Variants in MTCH2 observed in about 807,000 individuals in gnomAD.
MTCH2 encodes mitochondrial carrier homolog 2.
A neutral mutation model predicts 50.6 loss-of-function variants in MTCH2; 25 were observed. The observed-to-expected ratio is 0.49, with a 90% CI of 0.36 to 0.69. The LOEUF is 0.69. MTCH2 is among the 30% of genes least tolerant of loss of function. The probability of loss-of-function intolerance (pLI) is 0.00; values close to 1 mark genes in which losing one functional copy is unlikely to be tolerated. For missense variants in MTCH2, 273 were observed against 384.4 expected, an observed-to-expected ratio of 0.71 and a Z score of 2.42; for synonymous variants, 106 against 132.0, an observed-to-expected ratio of 0.80 and a Z score of 1.35.
At chr11:47,627,159 CCTACAACA>C (rs2097298948) in intron 9 of MTCH2, 32 bp from the exon 10 acceptor site, 2 of 1,430,294 alleles carry the variant, frequency 1.4e-6, no homozygotes, top group Non-Finnish European at 1.9e-6. Context: ...AAATTAATTA[CCTACAACA>C]CTACAACACA....
At chr11:47,631,594 CTAAG>C in intron 6 of MTCH2, 56 bp downstream of exon 6, 1 of 1,549,038 alleles carries the variant, frequency 6.5e-7, no homozygotes, top group Admixed American at 1.7e-5. Flanking sequence ...GTCAACCTAT[CTAAG>C]TGGTCAGGAG....
chr11:47,610,295 G>A, the MTCH2 span, among the ~76,000 whole-genome samples: 3 of 152,294 alleles, frequency 2.0e-5, no homozygotes, highest in South Asian at 2.1e-4. Flanking sequence ...TACTAACGCC[G>A]TAACTTTGCC....
downstream of MTCH2, among the ~76,000 whole-genome samples, chr11:47,617,002 CA>C (rs201698769): frequency 6.5e-4 from 99 of 152,288 alleles, 5 homozygotes; most frequent in East Asian, 0.018. Context: ...TTCTTAATGG[CA>C]CCTACCTGCA....
At chr11:47,641,340 G>C (rs2097314014) in intron 1 of MTCH2, among the ~76,000 whole-genome samples, 2 of 152,174 alleles carry the variant, frequency 1.3e-5, no homozygotes, top group Admixed American at 6.6e-5. Flanking sequence ...TTTAACATAT[G>C]GAATCTGAAT....
At chr11:47,642,298 G>C (rs908388298) in intron 1 of MTCH2, 81 bp downstream of exon 1, 2 of 1,256,258 alleles carry the variant, frequency 1.6e-6, no homozygotes, top group Non-Finnish European at 2.2e-6. Context: ...GGCCCGCAAG[G>C]CTGAGCCGAT....
the MTCH2 span, among the ~76,000 whole-genome samples, chr11:47,606,708 C>T: frequency 6.6e-6 from 1 of 152,328 alleles, no homozygotes; most frequent in African/African-American, 2.4e-5. Flanking sequence ...TGCCCACATG[C>T]CCTTCCTTCC....
Position 47,642,294 on chromosome 11 carries a change from C to T in MTCH2, c.87+85G>A, listed in dbSNP as rs982546581. The T allele has an allele frequency of 2.5e-6, 3 of 1,205,108 alleles. No homozygotes were observed. In the African/African-American group the frequency reaches 4.9e-5, roughly 20 times the overall value. 74.7% of individuals were successfully genotyped at this position (1,205,108 alleles called of 1,614,324 possible). ...GCATCTCGGGAGAATGAAAGGCCCG[C>T]AAGGCTGAGCCGATCCTCAGGCGCC... On this transcript the variant is annotated intron_variant, in intron 1 of 12. Coordinates refer to ENST00000302503, the MANE Select transcript of MTCH2 (RefSeq NM_014342.4).
chr11:47,629,060 C>G lies in MTCH2; in HGVS notation c.540-14G>C. On this transcript the variant is annotated splice_polypyrimidine_tract_variant and intron_variant, in intron 8 of 12. Transcript: ENST00000302503. Reference sequence around the variant, plus strand: ...GGAACAAGACCCCTACATGAAGAAACAATAAAAATAAGAACCAAAAAATGT... The same window carrying G: ...GGAACAAGACCCCTACATGAAGAAAGAATAAAAATAAGAACCAAAAAATGT... 6.2e-7 allele frequency: 1 copy of G among 1,605,536 alleles called. No homozygotes were observed. The highest frequency in any genetic ancestry group is 8.5e-7 in the Non-Finnish European group (1 of 1,174,710).
the MTCH2 span, among the ~76,000 whole-genome samples, chr11:47,608,068 T>C: frequency 6.6e-6 from 1 of 152,192 alleles, no homozygotes; most frequent in Non-Finnish European, 1.5e-5. Flanking sequence ...GGCTTTGCTA[T>C]TTACCACCAG....
chr11:47,627,060 A>C lies in MTCH2; in HGVS notation c.681+20T>G, dbSNP rs1386143638. ...AACACAACTATTCCTAGAAGGTTAA[A>C]AGGATTTTAAAAAACTCACTCCTGT... is the stretch of plus-strand genomic sequence containing the variant. On this transcript the variant is annotated intron_variant, in intron 10 of 12. Transcript: ENST00000302503. 1 of 1,560,628 alleles carries C rather than the reference A, an allele frequency of 6.4e-7. No individual in the cohort carries two copies.
the MTCH2 span, among the ~76,000 whole-genome samples, chr11:47,608,841 C>A: frequency 1.3e-5 from 2 of 151,490 alleles, no homozygotes; most frequent in South Asian, 4.2e-4. Context: ...ACCTGTAGTC[C>A]CAGCTACTTG....
At position 47,625,443 on chromosome 11, in the gene MTCH2, T is replaced by A. The variant is rs1445288639; in HGVS notation, c.749+231A>T. 2.0e-5 allele frequency among the ~76,000 whole-genome samples: 3 copies of A among 148,710 alleles called. No homozygotes were observed. In the East Asian group the frequency reaches 5.9e-4, roughly 29 times the overall value. On this transcript the variant is annotated intron_variant, in intron 11 of 12. Transcript: ENST00000302503. The stretch of plus-strand genomic sequence containing the variant: ...ATCTCAAAAAAAAAAAAAATAATAA[T>A]AATAATTAATAAATAAATACAAATT...
At chr11:47,620,335 G>T (rs118061507) in intron 12 of MTCH2, among the ~76,000 whole-genome samples, 3 of 151,962 alleles carry the variant, frequency 2.0e-5, no homozygotes, top group African/African-American at 7.3e-5. Context: ...TGGGCTTAGC[G>T]GTATGTGCCT....
At chr11:47,632,504 C>T (rs2097304003) in intron 5 of MTCH2, among the ~76,000 whole-genome samples, 1 of 151,890 alleles carries the variant, frequency 6.6e-6, no homozygotes, top group Admixed American at 6.6e-5. Flanking sequence ...CAGGCACCCG[C>T]CATCATGCCC....
In MTCH2 at chr11:47,637,148, C is replaced by G. The variant is rs2153800801; in HGVS notation, c.279+1551G>C. Among the ~76,000 whole-genome samples, 2 of 152,156 alleles carry G rather than the reference C, an allele frequency of 1.3e-5. 1 individual carries two copies. The highest frequency in any genetic ancestry group is 4.2e-4 in the South Asian group (2 of 4,816). Reference sequence around the variant, plus strand: ...GGGATTACATGCGCCCACCACCACGCCTGGCTAACATCTGTATTTTTAGTA... The same window carrying G: ...GGGATTACATGCGCCCACCACCACGGCTGGCTAACATCTGTATTTTTAGTA... On this transcript the variant is annotated intron_variant, in intron 3 of 12. Transcript: ENST00000302503.
Position 47,631,750 on chromosome 11 carries a change from AT to A in MTCH2, c.370-40del, listed in dbSNP as rs530285224. ...ACACACACTTCTGAAATCTAAACAAATGACACTCAAATGCCTGTGAGAAGGA... is the reference window on the plus strand; with the variant it reads ...ACACACACTTCTGAAATCTAAACAAAGACACTCAAATGCCTGTGAGAAGGA... On this transcript the variant is annotated intron_variant, in intron 5 of 12. Coordinates refer to ENST00000302503, the MANE Select transcript of MTCH2 (RefSeq NM_014342.4). The A allele has an allele frequency of 2.0e-4, 314 of 1,606,784 alleles. No individual in the cohort carries two copies. The African/African-American group carries it at 3.9e-3, about 20-fold the overall frequency.
At chr11:47,642,055 C>G (rs2097314683) in intron 1 of MTCH2, among the ~76,000 whole-genome samples, 1 of 152,174 alleles carries the variant, frequency 6.6e-6, no homozygotes, top group Non-Finnish European at 1.5e-5. Flanking sequence ...GTTCGGAAGC[C>G]TTTGGTGGCG....
chr11:47,625,806 C>A, intron 10 of MTCH2, 65 bp from the exon 11 acceptor site: 16 of 1,308,330 alleles, frequency 1.2e-5, no homozygotes, highest in South Asian at 2.4e-5. Context: ...CTTTCCTTTA[C>A]CTTAAAGGCC....
chr11:47,620,978 G>C (rs2097292716), intron 12 of MTCH2, among the ~76,000 whole-genome samples: 1 of 152,174 alleles, frequency 6.6e-6, no homozygotes, highest in Non-Finnish European at 1.5e-5. Context: ...CCTACTTTAA[G>C]TGTGTTTGAC....
Sources: gnomAD v4.1 joint callset for allele counts (sites outside exome capture counted in the v4.1 genomes callset) on GRCh38, gnomAD v4.1.1 for gene constraint, MANE v1.5 for transcripts, NCBI Gene and HGNC (gene_info 2026-07-23, HGNC 2026-07-21) for gene names.